Variants in SSUH2 observed in about 807,000 individuals in gnomAD.
SSUH2 encodes the protein ssu-2 homolog.
SSUH2 carries 47 observed loss-of-function variants against 55.3 expected under a neutral mutation model. That is an observed-to-expected ratio of 0.85 (90% confidence interval 0.67 to 1.08). SSUH2 has a LOEUF of 1.08. Among genes scored for constraint, SSUH2 ranks in the 50% least tolerant of loss-of-function variants. The pLI, the probability that SSUH2 is intolerant of heterozygous loss-of-function variation, is 0.00. For synonymous variants in SSUH2, 212 were observed against 191.5 expected (o/e 1.11, Z -0.89); for missense variants, 535 against 490.7 (o/e 1.09, Z -0.85).
chr3:8,676,697 C>G (rs1156869079), intron 3 of SSUH2, among the ~76,000 whole-genome samples: 5 of 144,176 alleles, frequency 3.5e-5, no homozygotes, highest in South Asian at 2.4e-4. Context: ...ATAACAATTT[C>G]ACAGGCTGGG....
chr3:8,673,375 G>A (rs1478685017), intron 3 of SSUH2, among the ~76,000 whole-genome samples: 3 of 151,984 alleles, frequency 2.0e-5, no homozygotes, highest in Non-Finnish European at 2.9e-5. Flanking sequence ...TCGGCTGCTC[G>A]TTTACGATGC....
intron 5 of SSUH2, among the ~76,000 whole-genome samples, chr3:8,669,337 T>TA (rs1255919185): frequency 2.6e-5 from 4 of 152,048 alleles, no homozygotes; most frequent in African/African-American, 7.2e-5. Flanking sequence ...AATGCTAACA[T>TA]AAAAAAGTGA....
chr3:8,671,124 A>G lies in SSUH2; in HGVS notation c.-581T>C, dbSNP rs573705673. 214 of 231,574 alleles carry G rather than the reference A, an allele frequency of 9.2e-4. 1 individual carries two copies. The highest frequency in any genetic ancestry group is 4.1e-3 in the African/African-American group (189 of 45,738). 14.3% of individuals were successfully genotyped at this position (231,574 alleles called of 1,614,324 possible). On this transcript the variant is annotated 5_prime_UTR_variant, in exon 5 of 19. Coordinates refer to the SSUH2 transcript ENST00000317371. ...TTACGAATTTGATGGCAGGGTCTAC[A>G]CGTCCTGTGACATTAGCAGTAACGT... is the stretch of plus-strand genomic sequence containing the variant.
chr3:8,626,492 T>C (rs1697558163), intron 8 of SSUH2, among the ~76,000 whole-genome samples, 171 bp from the exon 9 acceptor site: 1 of 151,706 alleles, frequency 6.6e-6, no homozygotes, highest in Non-Finnish European at 1.5e-5. Flanking sequence ...AATATCTCTA[T>C]GGGGATCACC....
At chr3:8,659,630 CTG>C in intron 6 of SSUH2, 1 of 346,070 alleles carries the variant, frequency 2.9e-6, no homozygotes, top group Non-Finnish European at 5.8e-6. Flanking sequence ...GCCCGTGCTT[CTG>C]TGTGTCTGCT....
chr3:8,635,810 TG>T lies in SSUH2; in HGVS notation c.75del (p.Thr26GlnfsTer49), dbSNP rs899000095. On this transcript the variant is annotated frameshift_variant, in exon 2 of 12. Coordinates refer to ENST00000544814, the MANE Select transcript of SSUH2 (RefSeq NM_001256748.3). LOFTEE classifies it high-confidence loss of function. ...CTGGGCAGTCTCTCCAGGAGCTCTG[TG>T]GGGGGCGCCAGAGGACTCTCGGCCT... ...SFEAESPLAP[P>X]TELLERLPSY... The T allele has an allele frequency of 9.1e-6, 14 of 1,535,814 alleles. No homozygotes were observed. Among genetic ancestry groups the T allele is most frequent in the African/African-American group, 1.4e-5 (1 of 72,994 alleles).
At chr3:8,659,204 T>TG (rs1703235448) in intron 6 of SSUH2, among the ~76,000 whole-genome samples, 1 of 151,914 alleles carries the variant, frequency 6.6e-6, no homozygotes, top group East Asian at 1.9e-4. Context: ...TGTGGTTGCT[T>TG]TTTTTTTAAA....
chr3:8,665,097 T>G (rs1308865838), intron 5 of SSUH2, among the ~76,000 whole-genome samples: 1 of 152,120 alleles, frequency 6.6e-6, no homozygotes, highest in East Asian at 1.9e-4. Flanking sequence ...TCCTTTTGTG[T>G]CAATGTTGTA....
At chr3:8,641,649 C>A (rs553639772) in intron 1 of SSUH2, among the ~76,000 whole-genome samples, 4 of 152,230 alleles carry the variant, frequency 2.6e-5, no homozygotes, top group Non-Finnish European at 5.9e-5. Context: ...ACCAGATGGG[C>A]CCCTAGAGGC....
At chr3:8,664,161 G>A (rs140068768) in intron 5 of SSUH2, among the ~76,000 whole-genome samples, 238 of 152,286 alleles carry the variant, frequency 1.6e-3, no homozygotes, top group African/African-American at 5.2e-3. Flanking sequence ...AGAGGAAGAC[G>A]GGGAGCCCAA....
chr3:8,658,894 T>G (rs1016463), intron 7 of SSUH2: 41,508 of 152,154 alleles, frequency 0.27, 5,745 homozygotes, highest in African/African-American at 0.3. Context: ...AGTAGTCATA[T>G]TATTAACAAT....
chr3:8,619,899 T>G lies in SSUH2; in HGVS notation c.1097A>C (p.Glu366Ala). The G allele has an allele frequency of 1.2e-6, 2 of 1,614,154 alleles. No individual in the cohort carries two copies. The highest frequency in any genetic ancestry group is 1.7e-6 in the Non-Finnish European group (2 of 1,180,014). The change falls in exon 12 of 12, where the codon GAG (glutamate) becomes GCG (alanine). Residue 366 changes from glutamate (E) to alanine (A), a missense_variant. By Grantham distance (107) the Glu-to-Ala change is moderately radical (BLOSUM62 -1). Transcript: ENST00000544814. ...GATGGTACAGCCACAGCAATACCGC[T>G]CAGGATAGTCCACCGCATACACCTG... ...DHQVYAVDYP[E>A]RYCCGCTIV
rs1559301345 is a variant in SSUH2, at chr3:8,626,258, C to T, written c.738G>A (p.Leu246=). Residue 246 remains leucine (L), a synonymous_variant, in exon 9 of 12, where the codon CTG becomes CTA. Coordinates refer to ENST00000544814, the MANE Select transcript of SSUH2 (RefSeq NM_001256748.3). ...TGATGACAAGCTGGATGAAGTGCAACAGCTTCTTCTCCCCCTTGCAGGTGG... is the reference window on the plus strand; with the variant it reads ...TGATGACAAGCTGGATGAAGTGCAATAGCTTCTTCTCCCCCTTGCAGGTGG... ...TCATCKGEKK[L]LHFIQLVIMW... The T allele has an allele frequency of 4.3e-6, 7 of 1,614,128 alleles. No individual in the cohort carries two copies. Among genetic ancestry groups the T allele is most frequent in the Non-Finnish European group, 5.9e-6 (7 of 1,179,992 alleles).
intron 3 of SSUH2, 84 bp downstream of exon 3, chr3:8,635,216 G>C: frequency 3.3e-6 from 4 of 1,201,012 alleles, no homozygotes; most frequent in Non-Finnish European, 4.6e-6. Context: ...CAGGGATCCT[G>C]ATGCACTGCC....
At chr3:8,638,911 C>A (rs145995497) in intron 1 of SSUH2, among the ~76,000 whole-genome samples, 2 of 152,152 alleles carry the variant, frequency 1.3e-5, no homozygotes, top group African/African-American at 4.8e-5. Context: ...AAATACCATT[C>A]GGCTGCAATG....
At chr3:8,623,358 G>T (rs1696836085) in intron 11 of SSUH2, 191 bp downstream of exon 11, 2 of 506,726 alleles carry the variant, frequency 3.9e-6, no homozygotes, top group Non-Finnish European at 7.1e-6. Flanking sequence ...GGTCCTTCCT[G>T]CCTCTGCGTC....
chr3:8,651,921 C>T (rs1341189841), intron 7 of SSUH2: 2 of 152,504 alleles, frequency 1.3e-5, no homozygotes, highest in Non-Finnish European at 2.9e-5. Flanking sequence ...CTTCCCACTA[C>T]ACACACCTCC....
chr3:8,632,393 T>C (rs948533137), intron 4 of SSUH2, among the ~76,000 whole-genome samples: 1 of 152,224 alleles, frequency 6.6e-6, no homozygotes, highest in Non-Finnish European at 1.5e-5. Context: ...GAGACAAGCT[T>C]CAGAGCAGTA....
chr3:8,636,078 T>G (rs1699876867), intron 1 of SSUH2, among the ~76,000 whole-genome samples: 1 of 152,216 alleles, frequency 6.6e-6, no homozygotes, highest in African/African-American at 2.4e-5. Context: ...AGCTCCTATT[T>G]GCTGGGTACC....
Sources: gnomAD v4.1 joint callset for allele counts (sites outside exome capture counted in the v4.1 genomes callset) on GRCh38, gnomAD v4.1.1 for gene constraint, MANE v1.5 for transcripts, NCBI Gene and HGNC (gene_info 2026-07-23, HGNC 2026-07-21) for gene names.